The following GIT2 variants were observed in gnomAD, a reference collection of about 807,000 sequenced individuals.
GIT2 encodes GIT ArfGAP 2.
Under a neutral mutation model 100.3 loss-of-function variants are expected in GIT2, and 32 were observed. The ratio of observed to expected loss-of-function variants is 0.32; its 90% CI spans 0.24 to 0.43. The LOEUF (loss-of-function observed/expected upper bound fraction) is 0.43, where lower values mean the gene tolerates loss of function less well. Ranked by LOEUF, GIT2 falls within the 20% of genes least tolerant of loss-of-function variation. The pLI, the probability that GIT2 is intolerant of heterozygous loss-of-function variation, is 1.00. For missense variants in GIT2, 737 were observed against 975.1 expected, an observed-to-expected ratio of 0.76 and a Z score of 3.25; for synonymous variants, 353 against 364.1, an observed-to-expected ratio of 0.97 and a Z score of 0.35.
In GIT2 at chr12:109,991,620, C is replaced by A. The variant is rs201003427; in HGVS notation, c.186+7G>T. 4 of 1,609,634 alleles carry A rather than the reference C, an allele frequency of 2.5e-6. No individual in the cohort carries two copies. Among genetic ancestry groups the A allele is most frequent in the Non-Finnish European group, 3.4e-6 (4 of 1,176,666 alleles). ...TACCAACTGTCAGGAGAATTCTTAT[C>A]CTTTACCTGAAGCAGTGTTGGAGGC... On this transcript the variant is annotated splice_region_variant and intron_variant, in intron 2 of 19. Coordinates refer to ENST00000355312, the MANE Select transcript of GIT2 (RefSeq NM_057169.5).
At position 109,948,750 on chromosome 12, in the gene GIT2, G is replaced by T; in HGVS notation, c.1393-1246C>A. On this transcript the variant is annotated intron_variant, in intron 14 of 19. Transcript: ENST00000355312. The surrounding 1 kb of genome is among the most constrained non-coding windows in gnomAD (Gnocchi z 4.3). ...TCAGTAGCAAACCCATTCAATGTTA[G>T]GAGTTACTTTCAATTTTTATTTAGA... 1 of 1,568,046 alleles carries T rather than the reference G, an allele frequency of 6.4e-7. No homozygotes were observed. The highest frequency in any genetic ancestry group is 8.6e-7 in the Non-Finnish European group (1 of 1,161,928).
intron 8 of GIT2, 140 bp downstream of exon 8, chr12:109,967,318 G>A (rs557680183): frequency 3.4e-5 from 54 of 1,596,028 alleles, no homozygotes; most frequent in Admixed American, 1.2e-4. Context: ...ACTTACAGCC[G>A]TCTTATTTCC....
rs369471977 is a variant in GIT2, at chr12:109,953,194, G to A, written c.1140C>T (p.His380=). 2.6e-4 allele frequency: 414 copies of A among 1,613,754 alleles called. No individual in the cohort carries two copies. The highest frequency in any genetic ancestry group is 3.4e-4 in the Non-Finnish European group (402 of 1,179,758). ...ELILKTINNQ[H]SVESQDNDQP... ...GATCGTTGTCTTGACTCTCAACGCT[G>A]TGCTGGTTATTGATGGTTTTCAGTA... The change falls in exon 13 of 20, where the codon CAC becomes CAT. Residue 380 remains histidine, a synonymous_variant. Coordinates refer to ENST00000355312, the MANE Select transcript of GIT2 (RefSeq NM_057169.5).
chr12:109,971,386 A>G (rs11536075), intron 7 of GIT2, among the ~76,000 whole-genome samples: 43,195 of 151,656 alleles, frequency 0.28, 9,343 homozygotes, highest in African/African-American at 0.61. Flanking sequence ...GTGCAGTGGC[A>G]AGATCTCAGG....
upstream of GIT2, chr12:109,998,723 C>G (rs1889766645): frequency 6.6e-6 from 1 of 152,080 alleles, no homozygotes; most frequent in Non-Finnish European, 1.5e-5. Flanking sequence ...GAATCATAAC[C>G]CGGTTCGGAG....
upstream of GIT2, chr12:109,998,999 G>T (rs545523956): frequency 6.6e-6 from 1 of 152,326 alleles, no homozygotes; most frequent in South Asian, 2.1e-4. Flanking sequence ...AGGGTTTAGC[G>T]TTCCTCCTTC....
chr12:109,938,644 A>G, intron 17 of GIT2, 76 bp from the exon 18 acceptor site: 2 of 1,025,234 alleles, frequency 2.0e-6, no homozygotes, highest in Non-Finnish European at 2.9e-6. Context: ...GCCACTTTGT[A>G]TGCACTGGCT....
rs185965842 is a variant in GIT2, at chr12:109,947,318, G to T, written c.1579C>A (p.Pro527Thr). Reference sequence around the variant, plus strand: ...TCGGGGCGGCTCGCTTCTCCCATTGGGAGATATGGTTTCTGACCTGATCCG... The same window carrying T: ...TCGGGGCGGCTCGCTTCTCCCATTGTGAGATATGGTTTCTGACCTGATCCG... ...ETGSGQKPYL[P>T]MGEASRPEES... Residue 527 changes from proline (P) to threonine (T), a missense_variant, in exon 15 of 20, where the codon CCA (proline) becomes ACA (threonine). By Grantham distance (38) the Pro-to-Thr change is conservative (BLOSUM62 -1). This residue lies in a region of GIT2 where 451 missense variants were observed against 543.7 expected (regional missense o/e 0.83). Transcript: ENST00000355312. The surrounding 1 kb of genome is among the most constrained non-coding windows in gnomAD (Gnocchi z 4.3). The T allele has an allele frequency of 1.4e-4, 228 of 1,614,082 alleles. 2 individuals are homozygous for T. In the East Asian group the frequency reaches 4.0e-3, roughly 29 times the overall value.
chr12:109,998,645 C>T (rs1035523185), upstream of GIT2: 4 of 152,208 alleles, frequency 2.6e-5, no homozygotes, highest in Non-Finnish European at 5.9e-5. Context: ...GCCATAACCT[C>T]AAATCCAAAA....
chr12:109,994,058 A>G (rs932499806), intron 1 of GIT2, among the ~76,000 whole-genome samples: 2 of 142,380 alleles, frequency 1.4e-5, no homozygotes, highest in Non-Finnish European at 3.0e-5. Context: ...CCTGCAGTAT[A>G]GTACTGACAC....
chr12:109,961,546 TG>T, intron 10 of GIT2, 66 bp downstream of exon 10: 2 of 1,099,758 alleles, frequency 1.8e-6, no homozygotes, highest in Non-Finnish European at 1.4e-6. Flanking sequence ...AGTAAAACAC[TG>T]AGCCTGGCAG....
intron 1 of GIT2, 23 bp downstream of exon 1, chr12:109,996,150 C>T: frequency 1.4e-6 from 2 of 1,467,028 alleles, no homozygotes; most frequent in Admixed American, 2.2e-5. Flanking sequence ...CAGAGGGGAG[C>T]GGGCCCGGCC....
chr12:109,938,497 G>A lies in GIT2; in HGVS notation c.1886C>T (p.Pro629Leu). 6.2e-7 allele frequency: 1 copy of A among 1,613,664 alleles called. No individual in the cohort carries two copies. Among genetic ancestry groups the A allele is most frequent in the Non-Finnish European group, 8.5e-7 (1 of 1,179,644 alleles). Residue 629 changes from proline (P) to leucine (L), a missense_variant, in exon 18 of 20, where the codon CCC (proline) becomes CTC (leucine). By Grantham distance (98) the Pro-to-Leu change is moderately conservative. Coordinates refer to ENST00000355312, the MANE Select transcript of GIT2 (RefSeq NM_057169.5). ...GDGLVPDTAEPHVAPSPTLPS... is the reference protein window; with the variant it reads ...GDGLVPDTAELHVAPSPTLPS... Reference sequence around the variant, plus strand: ...GAGAGTGGGGCTTGGGGCCACATGGGGTTCTGCTGTGTCTGGTACCAAGCC... The same window carrying A: ...GAGAGTGGGGCTTGGGGCCACATGGAGTTCTGCTGTGTCTGGTACCAAGCC...
intron 16 of GIT2, among the ~76,000 whole-genome samples, chr12:109,941,175 G>GCTCCTAAAATTCACTATGAA (rs1206557936): frequency 2.6e-5 from 4 of 152,130 alleles, no homozygotes; most frequent in African/African-American, 9.7e-5. Flanking sequence ...CTTGCTGTGG[G>GCTCCTAAAATTCACTATGAA]CTCCTAAAAT....
chr12:109,933,529 CCTT>C lies in GIT2; in HGVS notation c.2068-342_2068-340del, dbSNP rs1278200317. On this transcript the variant is annotated intron_variant, in intron 19 of 19. Transcript: ENST00000355312. This position sits in a 1 kb window ranked among gnomAD's most constrained non-coding sequence, Gnocchi z 4.5. Reference sequence around the variant, plus strand: ...GTGCCTTTTAGCACGACTTGTATATCCTTGTCTTATTAAATCAACATTCATGCA... The same window carrying C: ...GTGCCTTTTAGCACGACTTGTATATCGTCTTATTAAATCAACATTCATGCA... The C allele has an allele frequency of 4.0e-6, 1 of 250,338 alleles. No individual in the cohort carries two copies. The highest frequency in any genetic ancestry group is 7.7e-6 in the Non-Finnish European group (1 of 129,462). The allele number at this position is 250,338 out of a possible 1,614,324, so 15.5% of individuals were successfully genotyped here. A position where few individuals can be genotyped will look rare whatever the true frequency, so the allele number is the denominator to read the frequency against.
intron 12 of GIT2, among the ~76,000 whole-genome samples, chr12:109,958,844 A>G (rs1169914021): frequency 6.6e-6 from 1 of 152,212 alleles, no homozygotes; most frequent in Non-Finnish European, 1.5e-5. Context: ...CTGGAGAGGA[A>G]GGACATTCCT....
intron 9 of GIT2, among the ~76,000 whole-genome samples, chr12:109,963,257 T>C (rs1029385823): frequency 5.9e-5 from 9 of 152,206 alleles, no homozygotes; most frequent in Admixed American, 4.6e-4. Flanking sequence ...TTCCCAAATG[T>C]GGTCGCACTA....
intron 18 of GIT2, 122 bp downstream of exon 18, chr12:109,938,258 C>T (rs751367672): frequency 1.0e-5 from 7 of 670,970 alleles, no homozygotes; most frequent in Non-Finnish European, 1.8e-5. Context: ...GTTATGTAGA[C>T]TTGTTTTCAA....
intron 9 of GIT2, among the ~76,000 whole-genome samples, chr12:109,965,086 G>T (rs928665840): frequency 6.6e-6 from 1 of 152,098 alleles, no homozygotes; most frequent in South Asian, 2.1e-4. Flanking sequence ...TGGGAAAGAG[G>T]TTTACAATAT....
Sources: allele counts gnomAD v4.1 joint callset (sites outside exome capture counted in the v4.1 genomes callset), GRCh38; gene constraint gnomAD v4.1.1; regional missense constraint gnomAD v4.1.1; non-coding constraint Gnocchi (gnomAD v3.1); transcripts MANE v1.5; gene names NCBI Gene and HGNC (gene_info 2026-07-23, HGNC 2026-07-21).